Variants in COL22A1 observed in about 807,000 individuals in gnomAD.
COL22A1 encodes collagen alpha-1(XXII) chain.
A neutral mutation model predicts 248.9 loss-of-function variants in COL22A1; 221 were observed. That is an observed-to-expected ratio of 0.89 (90% CI 0.80 to 0.99). The LOEUF (loss-of-function observed/expected upper bound fraction) is 0.99. Among genes scored for constraint, COL22A1 ranks in the 50% least tolerant of loss-of-function variants. The pLI is 0.00. For synonymous variants in COL22A1, 891 were observed against 793.4 expected (o/e 1.12, Z -2.07); for missense variants, 2,240 against 2,179.0 (o/e 1.03, Z -0.56).
chr8:138,725,811 A>G (rs1269885923), intron 23 of COL22A1, among the ~76,000 whole-genome samples: 1 of 151,186 alleles, frequency 6.6e-6, no homozygotes, highest in Admixed American at 6.6e-5. Flanking sequence ...AGTCTGACCC[A>G]TGCATAAAGG....
intron 41 of COL22A1, among the ~76,000 whole-genome samples, chr8:138,665,897 G>T (rs952429184): frequency 6.6e-6 from 1 of 152,122 alleles, no homozygotes; most frequent in Non-Finnish European, 1.5e-5. Context: ...AAATAGAAAT[G>T]TAGAGTCATT....
At chr8:138,821,796 A>C (rs1819159221) in intron 6 of COL22A1, among the ~76,000 whole-genome samples, 1 of 152,154 alleles carries the variant, frequency 6.6e-6, no homozygotes, top group Non-Finnish European at 1.5e-5. Context: ...CCAGCCAGAA[A>C]TCCCAACTAG....
intron 1 of COL22A1, among the ~76,000 whole-genome samples, chr8:138,885,362 T>A (rs1234758837): frequency 6.6e-6 from 1 of 152,028 alleles, no homozygotes; most frequent in Non-Finnish European, 1.5e-5. Flanking sequence ...AAGGTCACAC[T>A]CCTGGAAGTG....
chr8:138,660,883 CATACACAGACACACAA>C (rs1823803720), intron 43 of COL22A1, among the ~76,000 whole-genome samples: 1 of 64,606 alleles, frequency 1.5e-5, no homozygotes, highest in Non-Finnish European at 5.1e-5. Flanking sequence ...CAGACACACA[CATACACAGACACACAA>C]ACACACACAT....
intron 62 of COL22A1, among the ~76,000 whole-genome samples, chr8:138,594,753 G>A (rs1817384366): frequency 6.6e-6 from 1 of 152,198 alleles, no homozygotes; most frequent in African/African-American, 2.4e-5. Flanking sequence ...GACAGCAGTA[G>A]CAGCAGTAGC....
At chr8:138,885,861 C>G (rs1178517990) in intron 1 of COL22A1, among the ~76,000 whole-genome samples, 1 of 152,214 alleles carries the variant, frequency 6.6e-6, no homozygotes, top group East Asian at 1.9e-4. Flanking sequence ...CTGCGCCCAG[C>G]CTCACACAGC....
intron 41 of COL22A1, among the ~76,000 whole-genome samples, chr8:138,672,147 T>A (rs572338814): frequency 1.3e-5 from 2 of 152,320 alleles, no homozygotes; most frequent in East Asian, 3.9e-4. Flanking sequence ...GGGGTTCCTG[T>A]CCTAGCTCTA....
intron 7 of COL22A1, among the ~76,000 whole-genome samples, chr8:138,820,093 TA>T (rs34268037): frequency 4.0e-5 from 6 of 150,878 alleles, no homozygotes; most frequent in South Asian, 2.1e-4. Context: ...ATGCTTTAGC[TA>T]AAAAAAAATA....
intron 42 of COL22A1, among the ~76,000 whole-genome samples, chr8:138,662,687 C>T (rs896099275): frequency 2.6e-5 from 4 of 152,132 alleles, no homozygotes; most frequent in Admixed American, 1.3e-4. Flanking sequence ...TGCTCAGGAG[C>T]TGACCCTGCA....
intron 51 of COL22A1, among the ~76,000 whole-genome samples, chr8:138,624,603 T>C (rs557184868): frequency 6.6e-6 from 1 of 152,368 alleles, no homozygotes; most frequent in African/African-American, 2.4e-5. Flanking sequence ...AAAATCCAAA[T>C]TGAAATTTCT....
rs568498212 is a variant in COL22A1 at position 138,779,427 on chromosome 8, T to G, written c.1704+82A>C. 19 of 945,230 alleles carry G rather than the reference T, an allele frequency of 2.0e-5. No homozygotes were observed. In the African/African-American group the frequency reaches 2.7e-4, roughly 14 times the overall value. 58.6% of individuals were successfully genotyped at this position (945,230 alleles called of 1,614,324 possible). A position where few individuals can be genotyped will look rare whatever the true frequency, so the allele number is the denominator to read the frequency against. ...GGCAGGGAACCTATCTGAGCATCTC[T>G]TCTGCACCTAAAGCAACTGGCTTTG... On this transcript the variant is annotated intron_variant, in intron 14 of 64. Transcript: ENST00000303045.
At position 138,707,292 on chromosome 8, in the gene COL22A1, C is replaced by T. The variant is rs924193484; in HGVS notation, c.2518-3945G>A. On this transcript the variant is annotated intron_variant, in intron 30 of 64. Coordinates refer to ENST00000303045, the MANE Select transcript of COL22A1 (RefSeq NM_152888.3). ...ATCCTCCCTAATTCATTTTATGAGGCCAGCATCATCCTGATACCAAAGCTT... is the reference window on the plus strand; with the variant it reads ...ATCCTCCCTAATTCATTTTATGAGGTCAGCATCATCCTGATACCAAAGCTT... Among the ~76,000 whole-genome samples, 9 of 152,162 alleles carry T rather than the reference C, an allele frequency of 5.9e-5. No individual in the cohort carries two copies. In the South Asian group the frequency reaches 6.2e-4, roughly 10 times the overall value.
intron 3 of COL22A1, among the ~76,000 whole-genome samples, chr8:138,845,777 CCCACAACA>C (rs1821200549): frequency 1.3e-5 from 2 of 152,044 alleles, no homozygotes; most frequent in African/African-American, 4.8e-5. Flanking sequence ...CAAGATTATG[CCCACAACA>C]GCACTGAAAG....
intron 53 of COL22A1, 68 bp from the exon 54 acceptor site, chr8:138,617,026 C>G: frequency 6.4e-7 from 1 of 1,554,602 alleles, no homozygotes; most frequent in Non-Finnish European, 8.9e-7. Context: ...GGCAGGCATA[C>G]CTCCCTGCCG....
chr8:138,889,993 T>G (rs1009431461), intron 1 of COL22A1, among the ~76,000 whole-genome samples: 3 of 152,120 alleles, frequency 2.0e-5, no homozygotes, highest in Admixed American at 2.0e-4. Flanking sequence ...CAAAAAGAAA[T>G]GCAAATCAAA....
intron 3 of COL22A1, among the ~76,000 whole-genome samples, chr8:138,854,550 T>C (rs1821873300): frequency 6.6e-6 from 1 of 152,148 alleles, no homozygotes; most frequent in Non-Finnish European, 1.5e-5. Flanking sequence ...TGCCCTCCCC[T>C]TTGGCCTGCT....
At chr8:138,695,923 C>A (rs1269792809) in intron 32 of COL22A1, among the ~76,000 whole-genome samples, 39 of 152,058 alleles carry the variant, frequency 2.6e-4, no homozygotes, top group Admixed American at 2.5e-3. Context: ...AGTGTGGACA[C>A]AGTCTCAGCT....
intron 30 of COL22A1, among the ~76,000 whole-genome samples, chr8:138,713,496 C>G (rs1260968521): frequency 6.6e-6 from 1 of 152,232 alleles, no homozygotes; most frequent in Non-Finnish European, 1.5e-5. Context: ...GCTGTTCAAG[C>G]TCACTCTGCT....
rs1173353118 is a variant in COL22A1, at chr8:138,664,209, GCACACACACACACACACACACACA to G, written c.3151-493_3151-470del. On this transcript the variant is annotated intron_variant, in intron 41 of 64. Transcript: ENST00000303045. Reference sequence around the variant, plus strand: ...CAACAAGGGGTGCGCGCGCGCGCGCGCACACACACACACACACACACACACACACACACACACACACACACACAG... The same window carrying G: ...CAACAAGGGGTGCGCGCGCGCGCGCGCACACACACACACACACACACACAG... Among the ~76,000 whole-genome samples, 265 of 103,210 alleles carry G rather than the reference GCACACACACACACACACACACACA, an allele frequency of 2.6e-3. 3 individuals are homozygous for G. Among genetic ancestry groups the G allele is most frequent in the African/African-American group, 9.9e-3 (245 of 24,862 alleles). 67.7% of individuals were successfully genotyped at this position (103,210 alleles called of 152,430 possible).
Sources: allele counts gnomAD v4.1 joint callset (sites outside exome capture counted in the v4.1 genomes callset), GRCh38; gene constraint gnomAD v4.1.1; transcripts MANE v1.5; gene names NCBI Gene and HGNC (gene_info 2026-07-23, HGNC 2026-07-21).